The following EYS variants were observed in gnomAD, a reference collection of about 807,000 sequenced individuals.
EYS encodes protein eyes shut homolog.
In EYS, 250 loss-of-function variants were observed where a neutral mutation model predicts 282.1. That is an observed-to-expected ratio of 0.89 (90% CI 0.80 to 0.98). The LOEUF is 0.98. Ranked by LOEUF, EYS falls within the 50% of genes least tolerant of loss-of-function variation. EYS has a pLI of 0.00. For synonymous variants in EYS, 1,355 were observed against 1,282.9 expected, an observed-to-expected ratio of 1.06 and a Z score of -1.20; for missense variants, 4,016 against 3,709.0, an observed-to-expected ratio of 1.08 and a Z score of -2.15.
intron 41 of EYS, among the ~76,000 whole-genome samples, chr6:63,760,650 A>ATCTG (rs1252946685): frequency 4.1e-4 from 3 of 7,242 alleles, no homozygotes; most frequent in Non-Finnish European, 9.8e-4. Context: ...ATGTATGTAT[A>ATCTG]TCTATCTATC....
chr6:64,083,743 ATTTG>A (rs938369437), intron 31 of EYS, among the ~76,000 whole-genome samples: 1 of 152,140 alleles, frequency 6.6e-6, no homozygotes, highest in Non-Finnish European at 1.5e-5. Context: ...TTTTGTTGTT[ATTTG>A]TTTGTTTTTT....
intron 35 of EYS, among the ~76,000 whole-genome samples, chr6:63,920,841 C>T (rs1481097019): frequency 1.3e-5 from 2 of 152,020 alleles, no homozygotes; most frequent in African/African-American, 4.8e-5. Flanking sequence ...CTCTTTGTGA[C>T]CTCAGATAAG....
intron 12 of EYS, among the ~76,000 whole-genome samples, chr6:65,214,158 CAAAAAAAAAAAAAA>C (rs58213904): frequency 6.8e-5 from 2 of 29,242 alleles, no homozygotes; most frequent in South Asian, 3.3e-3. Flanking sequence ...GACTCCGTCT[CAAAAAAAAAAAAAA>C]AAAAAAAAAA....
At chr6:64,335,567 G>A (rs2079431288) in intron 29 of EYS, among the ~76,000 whole-genome samples, 1 of 152,030 alleles carries the variant, frequency 6.6e-6, no homozygotes, top group Admixed American at 6.6e-5. Flanking sequence ...TTTGTTTGGG[G>A]CTCAGACTTT....
At chr6:64,428,906 T>A (rs1333018759) in intron 28 of EYS, among the ~76,000 whole-genome samples, 2 of 152,162 alleles carry the variant, frequency 1.3e-5, no homozygotes, top group African/African-American at 2.4e-5. Context: ...TTCCCAGTAA[T>A]TCCACATAAA....
intron 1 of EYS, among the ~76,000 whole-genome samples, chr6:65,662,068 G>A (rs141119199): frequency 6.6e-6 from 1 of 151,726 alleles, no homozygotes; most frequent in Non-Finnish European, 1.5e-5. Flanking sequence ...CTTTTTTTCT[G>A]GTCACACCAT....
rs1315198670 is a variant in EYS at position 64,230,830 on chromosome 6, A to G, written c.6192-6T>C. 3 of 1,507,006 alleles carry G rather than the reference A, an allele frequency of 2.0e-6. No homozygotes were observed. Among genetic ancestry groups the G allele is most frequent in the South Asian group, 1.2e-5 (1 of 80,680 alleles). The allele number at this position is 1,507,006 out of a possible 1,614,324, so 93.4% of individuals were successfully genotyped here. ...ACAGCATAAATCCCTGGGATCTGTG[A>G]TTTATAAACAGACAAGAAAACAAAA... On this transcript the variant is annotated splice_region_variant and splice_polypyrimidine_tract_variant and intron_variant, in intron 30 of 42. Transcript: ENST00000503581.
intron 26 of EYS, among the ~76,000 whole-genome samples, chr6:64,512,803 G>C (rs1027483132): frequency 2.6e-5 from 4 of 151,858 alleles, no homozygotes; most frequent in African/African-American, 9.7e-5. Flanking sequence ...CAATTTTTTA[G>C]AACACAATGG....
intron 22 of EYS, among the ~76,000 whole-genome samples, chr6:64,668,045 G>C (rs1479406732): frequency 2.0e-5 from 3 of 152,110 alleles, no homozygotes; most frequent in Admixed American, 1.3e-4. Flanking sequence ...TAACTTCTCA[G>C]ATAAGGTTAC....
At chr6:64,956,548 CA>C (rs1769706932) in intron 14 of EYS, among the ~76,000 whole-genome samples, 1 of 152,122 alleles carries the variant, frequency 6.6e-6, no homozygotes, top group South Asian at 2.1e-4. Context: ...GCAATAACCA[CA>C]AGCACAGGCA....
At chr6:64,387,523 G>A (rs1332807773) in intron 29 of EYS, among the ~76,000 whole-genome samples, 1 of 152,058 alleles carries the variant, frequency 6.6e-6, no homozygotes, top group Non-Finnish European at 1.5e-5. Flanking sequence ...TTTTATTTAT[G>A]TTTCATCCAT....
intron 1 of EYS, among the ~76,000 whole-genome samples, chr6:65,656,050 T>C (rs764078648): frequency 6.6e-6 from 1 of 151,854 alleles, no homozygotes; most frequent in African/African-American, 2.4e-5. Context: ...TAGTGACCTT[T>C]GGTGTTACCA....
intron 28 of EYS, among the ~76,000 whole-genome samples, chr6:64,408,070 T>TA (rs1467503369): frequency 6.6e-6 from 1 of 152,124 alleles, no homozygotes; most frequent in Non-Finnish European, 1.5e-5. Flanking sequence ...AACAGAGGTT[T>TA]ACCATAAATT....
intron 12 of EYS, among the ~76,000 whole-genome samples, chr6:65,217,870 T>G (rs958549581): frequency 3.9e-5 from 6 of 152,074 alleles, no homozygotes; most frequent in African/African-American, 1.4e-4. Flanking sequence ...GTTAAAAATA[T>G]TATCTGATTT....
chr6:64,347,713 G>T (rs1364176121), intron 29 of EYS, among the ~76,000 whole-genome samples: 2 of 151,194 alleles, frequency 1.3e-5, no homozygotes, highest in Non-Finnish European at 3.0e-5. Context: ...GGTTTAAAAT[G>T]CCCTAGTTTT....
At chr6:64,528,509 C>T (rs919603074) in intron 26 of EYS, among the ~76,000 whole-genome samples, 6 of 151,894 alleles carry the variant, frequency 4.0e-5, no homozygotes, top group African/African-American at 1.4e-4. Context: ...AACATTTAAC[C>T]ATTATTTCTC....
chr6:64,515,171 TG>T (rs1777526995), intron 26 of EYS, among the ~76,000 whole-genome samples: 1 of 151,712 alleles, frequency 6.6e-6, no homozygotes, highest in Admixed American at 6.6e-5. Context: ...GTATTTTGAC[TG>T]TACATTTTGT....
rs952381156 is a variant in EYS, at chr6:64,306,915, C to A, written c.6191+55G>T. On this transcript the variant is annotated intron_variant, in intron 30 of 42. Coordinates refer to ENST00000503581, the MANE Select transcript of EYS (RefSeq NM_001142800.2). ...AGATTATTTCAATTGGAAATGATAT[C>A]TTTTGGTGTGGTTATTTGAACAAGT... is the stretch of plus-strand genomic sequence containing the variant. 16 of 838,278 alleles carry A rather than the reference C, an allele frequency of 1.9e-5. No homozygotes were observed. The African/African-American group carries it at 2.4e-4, about 13-fold the overall frequency. 51.9% of individuals were successfully genotyped at this position (838,278 alleles called of 1,614,324 possible). A position where few individuals can be genotyped will look rare whatever the true frequency, so the allele number is the denominator to read the frequency against.
intron 33 of EYS, among the ~76,000 whole-genome samples, chr6:64,059,187 T>C (rs1486137729): frequency 2.0e-5 from 3 of 152,188 alleles, no homozygotes; most frequent in Admixed American, 1.3e-4. Context: ...TTTCATTTTA[T>C]ATTATAGATG....
Sources: gnomAD v4.1 joint callset for allele counts (sites outside exome capture counted in the v4.1 genomes callset) on GRCh38, gnomAD v4.1.1 for gene constraint, MANE v1.5 for transcripts, NCBI Gene and HGNC (gene_info 2026-07-23, HGNC 2026-07-21) for gene names.